AMZ1: variants seen among roughly 807,000 people sequenced by gnomAD.
AMZ1 encodes archaemetzincin-1.
In AMZ1, 39 loss-of-function variants were observed where a neutral mutation model predicts 29.9. The observed-to-expected ratio is 1.30, with a 90% CI of 1.01 to 1.70. The LOEUF is 1.70. AMZ1 is among the 40% of genes most tolerant of loss of function. The probability of loss-of-function intolerance (pLI) is 0.00; values close to 1 mark genes in which losing one functional copy is unlikely to be tolerated. For missense variants in AMZ1, 1,041 were observed against 680.6 expected (o/e 1.53, Z -5.89); for synonymous variants, 458 against 304.0 (o/e 1.51, Z -5.27).
chr7:2,697,485 A>G (rs1281679017), intron 1 of AMZ1, among the ~76,000 whole-genome samples: 2 of 151,804 alleles, frequency 1.3e-5, no homozygotes, highest in African/African-American at 2.4e-5. Context: ...GTGCAGTGGC[A>G]CGATCATGGC....
intron 4 of AMZ1, among the ~76,000 whole-genome samples, chr7:2,741,087 A>G (rs1790477615): frequency 6.6e-6 from 1 of 151,954 alleles, no homozygotes; most frequent in Admixed American, 6.5e-5. Context: ...CAAACAAAAA[A>G]CCACTATAGA....
chr7:2,743,748 G>C (rs545013791), intron 4 of AMZ1, among the ~76,000 whole-genome samples: 2 of 152,330 alleles, frequency 1.3e-5, no homozygotes, highest in African/African-American at 2.4e-5. Context: ...GGAAGCGCAA[G>C]GGGTCAGGGA....
At chr7:2,733,325 G>A in intron 4 of AMZ1, 1 of 758,118 alleles carries the variant, frequency 1.3e-6, no homozygotes, top group Non-Finnish European at 2.3e-6. Context: ...ACTATTCGTG[G>A]TAATGTGACA....
intron 2 of AMZ1, among the ~76,000 whole-genome samples, chr7:2,701,580 G>A (rs73283145): frequency 0.032 from 4,853 of 152,312 alleles, 266 homozygotes; most frequent in African/African-American, 0.11. Context: ...TGCGGGGAGC[G>A]CGAGGGGCAG....
At chr7:2,708,955 A>C (rs1275710351) in intron 4 of AMZ1, 120 bp from the exon 5 acceptor site, 4 of 1,345,922 alleles carry the variant, frequency 3.0e-6, no homozygotes, top group Non-Finnish European at 4.0e-6. Context: ...AGGGCCTCCC[A>C]GGACTGGTAT....
At chr7:2,754,812 A>G (rs559331632) in intron 4 of AMZ1, among the ~76,000 whole-genome samples, 1 of 152,324 alleles carries the variant, frequency 6.6e-6, no homozygotes, top group South Asian at 2.1e-4. Context: ...ACCGTTTCTC[A>G]AAATTTGATT....
intron 4 of AMZ1, among the ~76,000 whole-genome samples, chr7:2,746,803 T>A (rs1790786275): frequency 6.6e-6 from 1 of 150,384 alleles, no homozygotes; most frequent in Non-Finnish European, 1.5e-5. Context: ...GAGAGAAGAA[T>A]CAAATAGATG....
chr7:2,706,622 C>T (rs905159072), intron 3 of AMZ1, among the ~76,000 whole-genome samples: 1 of 152,346 alleles, frequency 6.6e-6, no homozygotes. Flanking sequence ...CAACTCCAAC[C>T]TCAGCCTTTG....
At chr7:2,737,289 G>GTTTTTTTTTTTT (rs11389467) in intron 4 of AMZ1, among the ~76,000 whole-genome samples, 7 of 62,310 alleles carry the variant, frequency 1.1e-4, no homozygotes, top group South Asian at 1.1e-3. Context: ...TTTTTTTTTT[G>GTTTTTTTTTTTT]TTTTTTTTTT....
In AMZ1 at chr7:2,718,530, G is replaced by A. The variant is rs1239476974; in HGVS notation, c.*5652G>A. Reference sequence around the variant, plus strand: ...TTGGACGCTGGTGGCAGCCGCGGGCGCCCACTCACCTGGCACGTGGACGAA... The same window carrying A: ...TTGGACGCTGGTGGCAGCCGCGGGCACCCACTCACCTGGCACGTGGACGAA... On this transcript the variant is annotated 3_prime_UTR_variant, in exon 7 of 7. Coordinates refer to ENST00000683327, the MANE Select transcript of AMZ1 (RefSeq NM_001384743.1). Among the ~76,000 whole-genome samples the A allele has an allele frequency of 3.3e-5, 5 of 152,176 alleles. No homozygotes were observed. The highest frequency in any genetic ancestry group is 2.6e-4 in the Admixed American group (4 of 15,276).
intron 4 of AMZ1, among the ~76,000 whole-genome samples, chr7:2,754,267 C>G (rs995006770): frequency 6.6e-6 from 1 of 152,146 alleles, no homozygotes; most frequent in Non-Finnish European, 1.5e-5. Context: ...TGCTTATGTG[C>G]CATCGGCATG....
At chr7:2,750,097 T>A (rs755178738) in intron 4 of AMZ1, among the ~76,000 whole-genome samples, 2 of 152,212 alleles carry the variant, frequency 1.3e-5, no homozygotes, top group Non-Finnish European at 2.9e-5. Context: ...GCAAGGATGC[T>A]ATACCACACA....
chr7:2,755,169 G>A (rs1791235070), intron 4 of AMZ1, among the ~76,000 whole-genome samples: 1 of 152,170 alleles, frequency 6.6e-6, no homozygotes, highest in African/African-American at 2.4e-5. Flanking sequence ...ACCACTGCAG[G>A]GAGACAACAG....
chr7:2,736,326 G>C (rs868775159), intron 4 of AMZ1, among the ~76,000 whole-genome samples: 2 of 152,118 alleles, frequency 1.3e-5, no homozygotes, highest in African/African-American at 4.8e-5. Context: ...ACTCTCCTTG[G>C]TGTGAAAAAC....
chr7:2,702,940 A>C, intron 3 of AMZ1, 51 bp downstream of exon 3: 1 of 1,524,762 alleles, frequency 6.6e-7, no homozygotes, highest in African/African-American at 1.4e-5. Flanking sequence ...CCCTTCTGGA[A>C]GGAAGAGGTG....
At chr7:2,707,432 C>A (rs1037293305) in intron 3 of AMZ1, among the ~76,000 whole-genome samples, 1 of 152,162 alleles carries the variant, frequency 6.6e-6, no homozygotes, top group South Asian at 2.1e-4. Flanking sequence ...TCCGGGTTTC[C>A]TGGGCCCGTG....
chr7:2,702,587 C>T (rs764572771), intron 2 of AMZ1, 135 bp from the exon 3 acceptor site: 100 of 1,004,834 alleles, frequency 1.0e-4, no homozygotes, highest in Middle Eastern at 3.3e-4. Context: ...CTAAGCCTGA[C>T]GCTCTGCTTG....
upstream of AMZ1, among the ~76,000 whole-genome samples, chr7:2,760,075 G>C (rs1264742300): frequency 6.6e-6 from 1 of 152,250 alleles, no homozygotes; most frequent in South Asian, 2.1e-4. Context: ...AGGAACTGAA[G>C]GTCAAGAGCT....
intron 4 of AMZ1, among the ~76,000 whole-genome samples, chr7:2,725,338 G>C (rs899358901): frequency 2.0e-5 from 3 of 152,378 alleles, no homozygotes; most frequent in African/African-American, 7.2e-5. Context: ...GCACCAGACG[G>C]ACACAGCTGC....
Sources: allele counts gnomAD v4.1 joint callset (sites outside exome capture counted in the v4.1 genomes callset), GRCh38; gene constraint gnomAD v4.1.1; transcripts MANE v1.5; gene names NCBI Gene and HGNC (gene_info 2026-07-23, HGNC 2026-07-21).